The following DLC1 variants were observed in gnomAD, a reference collection of about 807,000 sequenced individuals.
The protein encoded by DLC1 is DLC1 Rho GTPase activating protein, also known as rho GTPase-activating protein 7.
Under a neutral mutation model 140.3 loss-of-function variants are expected in DLC1, and 54 were observed. The observed-to-expected ratio is 0.38, with a 90% CI of 0.31 to 0.48. The LOEUF (loss-of-function observed/expected upper bound fraction) is 0.48, where lower values mean the gene tolerates loss of function less well. Among genes scored for constraint, DLC1 ranks in the 20% least tolerant of loss-of-function variants. DLC1 has a pLI of 0.96. For synonymous variants in DLC1, 986 were observed against 728.1 expected (o/e 1.35, Z -5.70); for missense variants, 2,536 against 1,907.0 (o/e 1.33, Z -6.14).
At chr8:13,421,329 A>G (rs1054853936) in intron 2 of DLC1, among the ~76,000 whole-genome samples, 1 of 152,148 alleles carries the variant, frequency 6.6e-6, no homozygotes, top group Non-Finnish European at 1.5e-5. Flanking sequence ...TGCAACCCCT[A>G]AAGTACCCAG....
chr8:13,208,124 G>A (rs114664448), intron 5 of DLC1, among the ~76,000 whole-genome samples: 2,474 of 152,218 alleles, frequency 0.016, 61 homozygotes, highest in African/African-American at 0.056. Flanking sequence ...AGTGAGCAAC[G>A]TCACATGTAT....
chr8:13,580,250 G>A (rs895309181), intron 1 of DLC1, among the ~76,000 whole-genome samples: 1 of 151,986 alleles, frequency 6.6e-6, no homozygotes, highest in Non-Finnish European at 1.5e-5. Flanking sequence ...AGCCTCCCGA[G>A]TAGCTGGGCC....
At chr8:13,594,171 A>G (rs1430637885) in intron 1 of DLC1, among the ~76,000 whole-genome samples, 1 of 152,052 alleles carries the variant, frequency 6.6e-6, no homozygotes, top group Non-Finnish European at 1.5e-5. Context: ...AAAAGAAGGA[A>G]AAAAGATCCT....
chr8:13,358,579 A>G (rs1478716256), intron 4 of DLC1, among the ~76,000 whole-genome samples: 2 of 152,194 alleles, frequency 1.3e-5, no homozygotes, highest in African/African-American at 4.8e-5. Flanking sequence ...TAAAAAATAT[A>G]CATTAAAATA....
chr8:13,126,236 G>T (rs563509776), intron 5 of DLC1, among the ~76,000 whole-genome samples: 13 of 151,060 alleles, frequency 8.6e-5, no homozygotes, highest in African/African-American at 3.1e-4. Flanking sequence ...CCAGCAAAAA[G>T]AGGTCAAACT....
intron 2 of DLC1, among the ~76,000 whole-genome samples, chr8:13,468,366 C>T: frequency 7.4e-6 from 1 of 134,270 alleles, no homozygotes. Flanking sequence ...CCCCTCCCCT[C>T]CCCTCTCCTT....
At chr8:13,546,498 T>C (rs1705600045) in intron 1 of DLC1, among the ~76,000 whole-genome samples, 1 of 152,158 alleles carries the variant, frequency 6.6e-6, no homozygotes, top group African/African-American at 2.4e-5. Context: ...TTTTACAAGA[T>C]CATATTTTAG....
At chr8:13,230,485 C>T (rs956055370) in intron 5 of DLC1, among the ~76,000 whole-genome samples, 2 of 152,102 alleles carry the variant, frequency 1.3e-5, no homozygotes, top group African/African-American at 4.8e-5. Context: ...CACTCTTCCT[C>T]TTTCAGGTTT....
chr8:13,279,741 C>T (rs547751998), intron 5 of DLC1, among the ~76,000 whole-genome samples: 1 of 152,134 alleles, frequency 6.6e-6, no homozygotes, highest in Non-Finnish European at 1.5e-5. Flanking sequence ...TTAAATTATT[C>T]TTACATTTTG....
chr8:13,536,603 A>G (rs188956603), intron 1 of DLC1, among the ~76,000 whole-genome samples: 79 of 152,288 alleles, frequency 5.2e-4, no homozygotes, highest in Middle Eastern at 3.4e-3. Flanking sequence ...TTACCCTGGC[A>G]GGGTGTTCAT....
chr8:13,570,007 C>T (rs1038428434), intron 1 of DLC1, among the ~76,000 whole-genome samples: 5 of 152,196 alleles, frequency 3.3e-5, no homozygotes, highest in African/African-American at 9.6e-5. Flanking sequence ...ATTGCAGGCA[C>T]GAGCCACTGT....
intron 4 of DLC1, among the ~76,000 whole-genome samples, chr8:13,389,633 G>T (rs1002249915): frequency 6.6e-6 from 1 of 152,038 alleles, no homozygotes; most frequent in African/African-American, 2.4e-5. Context: ...TCTACACATA[G>T]AATTAATGAA....
At position 13,349,348 on chromosome 8, in the gene DLC1, C is replaced by G. The variant is rs537750508; in HGVS notation, c.1315-44046G>C. ...TTAGAAATCACAGAATAAGCAGATT[C>G]ACCTATCTTAGAGCCCTCTCAAAAC... On this transcript the variant is annotated intron_variant, in intron 4 of 17. Coordinates refer to ENST00000276297, the MANE Select transcript of DLC1 (RefSeq NM_182643.3). 3.9e-5 allele frequency among the ~76,000 whole-genome samples: 6 copies of G among 152,182 alleles called. No homozygotes were observed. The South Asian group carries it at 8.3e-4, about 21-fold the overall frequency.
At chr8:13,410,858 C>T (rs527543583) in intron 2 of DLC1, among the ~76,000 whole-genome samples, 7 of 152,140 alleles carry the variant, frequency 4.6e-5, no homozygotes, top group African/African-American at 7.2e-5. Context: ...GCAGCAGAGG[C>T]GCATAATCAT....
intron 2 of DLC1, among the ~76,000 whole-genome samples, chr8:13,455,527 C>A (rs1414008286): frequency 6.6e-6 from 1 of 152,140 alleles, no homozygotes; most frequent in Admixed American, 6.6e-5. Flanking sequence ...GCAAGCTATT[C>A]GGGAAGACTC....
At chr8:13,589,427 T>C (rs182510602) in intron 1 of DLC1, among the ~76,000 whole-genome samples, 1 of 152,224 alleles carries the variant, frequency 6.6e-6, no homozygotes, top group East Asian at 1.9e-4. Flanking sequence ...CTGACAGCTT[T>C]GAGATAGGCA....
At chr8:13,202,765 C>T (rs1827462176) in intron 5 of DLC1, among the ~76,000 whole-genome samples, 1 of 151,998 alleles carries the variant, frequency 6.6e-6, no homozygotes, top group African/African-American at 2.4e-5. Flanking sequence ...ACTTGACTTC[C>T]CAGCCCCAGG....
intron 1 of DLC1, chr8:13,567,700 A>G (rs763038035): frequency 2.6e-6 from 4 of 1,552,060 alleles, no homozygotes; most frequent in Non-Finnish European, 1.7e-6. Context: ...ACATCTTCAT[A>G]CCAAAGACTT....
chr8:13,105,623 C>G (rs1265571324), intron 7 of DLC1, among the ~76,000 whole-genome samples: 1 of 148,468 alleles, frequency 6.7e-6, no homozygotes, highest in Non-Finnish European at 1.5e-5. Context: ...CAGTCTTGCT[C>G]TATTGCCCAG....
Sources: gnomAD v4.1 joint callset for allele counts (sites outside exome capture counted in the v4.1 genomes callset) on GRCh38, gnomAD v4.1.1 for gene constraint, MANE v1.5 for transcripts, NCBI Gene and HGNC (gene_info 2026-07-23, HGNC 2026-07-21) for gene names.